RPAP1: variants seen among roughly 807,000 people sequenced by gnomAD.
The protein encoded by RPAP1 is RNA polymerase II-associated protein 1.
In RPAP1, 109 loss-of-function variants were observed where a neutral mutation model predicts 142.4. The ratio of observed to expected loss-of-function variants is 0.77; its 90% CI spans 0.66 to 0.90. The LOEUF (loss-of-function observed/expected upper bound fraction) is 0.90, where lower values mean the gene tolerates loss of function less well. RPAP1 is among the 40% of genes least tolerant of loss of function. The pLI, the probability that RPAP1 is intolerant of heterozygous loss-of-function variation, is 0.00. For missense variants in RPAP1, 1,546 were observed against 1,751.7 expected (o/e 0.88, Z 2.10); for synonymous variants, 704 against 738.9 (o/e 0.95, Z 0.77).
In RPAP1 at chr15:41,534,774, G is replaced by C; in HGVS notation, c.703C>G (p.Leu235Val). The C allele has an allele frequency of 6.2e-7, 1 of 1,614,016 alleles. No individual in the cohort carries two copies. Among genetic ancestry groups the C allele is most frequent in the Non-Finnish European group, 8.5e-7 (1 of 1,180,008 alleles). ...ATCTCCTCAGGAGCCATGGCCTGCA[G>C]TCTTGCTATGTTCTCTTCATGGATA... ...QTIHEENIAR[L>V]QAMAPEEILQ... The change falls in exon 6 of 25, where the codon CTG becomes GTG. Residue 235 changes from leucine to valine, a missense_variant. By Grantham distance (32) the Leu-to-Val change is conservative (BLOSUM62 1). Coordinates refer to ENST00000304330, the MANE Select transcript of RPAP1 (RefSeq NM_015540.4).
At position 41,522,081 on chromosome 15, in the gene RPAP1, C is replaced by A; in HGVS notation, c.2895+17G>T. ...ATAATGGGATGACAGGAGAACCTGT[C>A]AGACAGGGGGACCTACCGCTTTCTG... On this transcript the variant is annotated intron_variant, in intron 20 of 24. Transcript: ENST00000304330. The A allele has an allele frequency of 6.2e-7, 1 of 1,611,448 alleles. No individual in the cohort carries two copies. The highest frequency in any genetic ancestry group is 1.1e-5 in the South Asian group (1 of 90,850).
intron 6 of RPAP1, 30 bp from the exon 7 acceptor site, chr15:41,531,232 T>C (rs2051844365): frequency 6.3e-7 from 1 of 1,589,558 alleles, no homozygotes; most frequent in Non-Finnish European, 8.6e-7. Flanking sequence ...GGAGAGTGAG[T>C]GAGGGTAGAT....
chr15:41,531,617 ATATATATATATTTTT>A (rs2051849397), intron 6 of RPAP1, among the ~76,000 whole-genome samples: 5 of 95,032 alleles, frequency 5.3e-5, no homozygotes, highest in South Asian at 3.2e-4. Context: ...ATATATATAT[ATATATATATATTTTT>A]TTTTTTTTTT....
chr15:41,541,144 C>T (rs906129796), intron 1 of RPAP1, among the ~76,000 whole-genome samples: 1 of 152,048 alleles, frequency 6.6e-6, no homozygotes, highest in Admixed American at 6.6e-5. Flanking sequence ...GGAATAGGGC[C>T]GGGCGCAGTG....
intron 15 of RPAP1, among the ~76,000 whole-genome samples, chr15:41,524,719 C>T (rs2051771237): frequency 6.6e-6 from 1 of 152,150 alleles, no homozygotes; most frequent in South Asian, 2.1e-4. Flanking sequence ...CGTGATACGC[C>T]TACCTTGGCA....
chr15:41,537,102 C>T lies in RPAP1; in HGVS notation c.24G>A (p.Gly8=), dbSNP rs758112216. The T allele has an allele frequency of 9.3e-6, 15 of 1,614,128 alleles. No individual in the cohort carries two copies. In the Admixed American group the frequency reaches 1.3e-4, roughly 14 times the overall value. Residue 8 remains glycine, a synonymous_variant, in exon 2 of 25, where the codon GGG becomes GGA. Coordinates refer to ENST00000304330, the MANE Select transcript of RPAP1 (RefSeq NM_015540.4). MLSRPKP[G]ESEVDLLHFQ... ...AGTGCAGCAGGTCCACCTCGGACTC[C>T]CCTGGCTTCGGTCTCGACAGCATCT...
rs777447432 is a variant in RPAP1, at chr15:41,523,235, C to T, written c.2546+10G>A. The T allele has an allele frequency of 9.1e-6, 14 of 1,536,422 alleles. No individual in the cohort carries two copies. The East Asian group carries it at 3.0e-4, about 33-fold the overall frequency. On this transcript the variant is annotated intron_variant, in intron 18 of 24. Transcript: ENST00000304330. ...CCCTGCTTCCCCCAGCTACCAAACA[C>T]AGTACATACCTAAGGGAATCCCACA...
At chr15:41,532,114 C>T (rs779207833) in intron 6 of RPAP1, among the ~76,000 whole-genome samples, 4 of 151,866 alleles carry the variant, frequency 2.6e-5, no homozygotes, top group Admixed American at 1.3e-4. Context: ...GTCCGCCTCC[C>T]GGGTTCAAGT....
chr15:41,521,836 A>G lies in RPAP1; in HGVS notation c.2940T>C (p.His980=). 6.2e-7 allele frequency: 1 copy of G among 1,614,164 alleles called. No individual in the cohort carries two copies. Among genetic ancestry groups the G allele is most frequent in the Non-Finnish European group, 8.5e-7 (1 of 1,180,022 alleles). ...PLPATHAALY[H]GMALALLSRL... ...GGCTCAGCAGGGCCAAGGCCATACC[A>G]TGATAGAGGGCAGCATGGGTGGCTG... The change falls in exon 21 of 25, where the codon CAT becomes CAC. Residue 980 remains histidine, a synonymous_variant. Coordinates refer to ENST00000304330, the MANE Select transcript of RPAP1 (RefSeq NM_015540.4).
chr15:41,534,729 A>G lies in RPAP1; in HGVS notation c.748T>C (p.Leu250=), dbSNP rs771019605. The part of the protein sequence containing the change: ...PEEILQEQQR[L]LAQLDPSLVA... ...GCACCCATACCAAGCTGGGCCAGCA[A>G]CCGCTGCTGTTCCTGCAGGATCTCC... The change falls in exon 6 of 25, where the codon TTG becomes CTG. Residue 250 remains leucine, a synonymous_variant. Transcript: ENST00000304330. 2 of 1,613,750 alleles carry G rather than the reference A, an allele frequency of 1.2e-6. No homozygotes were observed. Among genetic ancestry groups the G allele is most frequent in the African/African-American group, 2.7e-5 (2 of 74,916 alleles).
At chr15:41,542,973 C>T (rs1403696388) in intron 1 of RPAP1, among the ~76,000 whole-genome samples, 1 of 152,072 alleles carries the variant, frequency 6.6e-6, no homozygotes, top group Non-Finnish European at 1.5e-5. Flanking sequence ...ACAATTCACT[C>T]CTATAAGAGT....
Position 41,521,758 on chromosome 15 carries a change from T to C in RPAP1, c.3018A>G (p.Val1006=), listed in dbSNP as rs1165145332. The C allele has an allele frequency of 3.7e-6, 6 of 1,614,008 alleles. No homozygotes were observed. The highest frequency in any genetic ancestry group is 5.1e-6 in the Non-Finnish European group (6 of 1,180,042). Residue 1006 remains valine (V), a synonymous_variant, in exon 21 of 25, where the codon GTA becomes GTG. Transcript: ENST00000304330. ...YLTHELLLSC[V]FRLEFLPERT... ...CTTACGGGAGGAACTCCAGCCGGAATACACAGCTCAGCAGCAGCTCATGGG... is the reference window on the plus strand; with the variant it reads ...CTTACGGGAGGAACTCCAGCCGGAACACACAGCTCAGCAGCAGCTCATGGG...
intron 5 of RPAP1, among the ~76,000 whole-genome samples, chr15:41,535,182 G>A (rs2051894800): frequency 3.3e-5 from 5 of 152,128 alleles, no homozygotes; most frequent in Non-Finnish European, 7.4e-5. Context: ...TAGATATCTA[G>A]GCAGGCATCT....
chr15:41,537,037 A>G lies in RPAP1; in HGVS notation c.89T>C (p.Val30Ala). 6.2e-7 allele frequency: 1 copy of G among 1,613,918 alleles called. No homozygotes were observed. The highest frequency in any genetic ancestry group is 8.5e-7 in the Non-Finnish European group (1 of 1,179,878). ...QFLAAGAAPAVQLVKKGNRGG... is the reference protein window; with the variant it reads ...QFLAAGAAPAAQLVKKGNRGG... ...CCTATTTCCTTTCTTCACCAACTGC[A>G]CTGCTGGGGCTGCACCAGCTGCGAG... The change falls in exon 2 of 25, where the codon GTG becomes GCG. Residue 30 changes from valine (V) to alanine (A), a missense_variant. Physicochemically the swap from Val to Ala is moderately conservative, Grantham distance 64. Transcript: ENST00000304330.
chr15:41,529,407 A>C, intron 9 of RPAP1, 63 bp downstream of exon 9: 2 of 1,090,466 alleles, frequency 1.8e-6, no homozygotes, highest in Non-Finnish European at 1.4e-6. Flanking sequence ...GCAGTTGACC[A>C]GAGATCCTTT....
intron 11 of RPAP1, 107 bp downstream of exon 11, chr15:41,527,753 C>A: frequency 6.7e-7 from 1 of 1,497,218 alleles, no homozygotes; most frequent in Non-Finnish European, 9.0e-7. Flanking sequence ...CCTGCCATCC[C>A]ATTCTACATC....
intron 3 of RPAP1, 90 bp downstream of exon 3, chr15:41,536,411 C>T: frequency 1.3e-6 from 2 of 1,525,204 alleles, no homozygotes; most frequent in South Asian, 1.2e-5. Flanking sequence ...TTCTGAAGCA[C>T]CCTCCACTGA....
At position 41,520,505 on chromosome 15, in the gene RPAP1, G is replaced by T. The variant is rs772159259; in HGVS notation, c.3681C>A (p.Leu1227=). ...HFEAVSFGDH[L]FGALVLLPLQ... is the part of the protein sequence containing the mutation. Reference sequence around the variant, plus strand: ...GGGGCAGGAGGACCAGGGCCCCAAAGAGGTGGTCCCCAAAAGAGACAGCCT... The same window carrying T: ...GGGGCAGGAGGACCAGGGCCCCAAATAGGTGGTCCCCAAAAGAGACAGCCT... Residue 1227 remains leucine, a synonymous_variant, in exon 22 of 25, where the codon CTC becomes CTA. Coordinates refer to ENST00000304330, the MANE Select transcript of RPAP1 (RefSeq NM_015540.4). 1 of 1,614,118 alleles carries T rather than the reference G, an allele frequency of 6.2e-7. No individual in the cohort carries two copies. The highest frequency in any genetic ancestry group is 8.5e-7 in the Non-Finnish European group (1 of 1,180,006).
intron 9 of RPAP1, 47 bp from the exon 10 acceptor site, chr15:41,528,383 G>A (rs2051816925): frequency 7.4e-7 from 1 of 1,347,214 alleles, no homozygotes; most frequent in Non-Finnish European, 1.0e-6. Flanking sequence ...ACAGCACAGT[G>A]CCCCCAAAAC....
Sources: gnomAD v4.1 joint callset for allele counts (sites outside exome capture counted in the v4.1 genomes callset) on GRCh38, gnomAD v4.1.1 for gene constraint, MANE v1.5 for transcripts, NCBI Gene and HGNC (gene_info 2026-07-23, HGNC 2026-07-21) for gene names.